KPNA7: variants seen among roughly 807,000 people sequenced by gnomAD.
The protein encoded by KPNA7 is karyopherin subunit alpha 7, also known as importin subunit alpha-8.
In KPNA7, 54 loss-of-function variants were observed where a neutral mutation model predicts 53.7. The ratio of observed to expected loss-of-function variants is 1.01; its 90% confidence interval spans 0.81 to 1.26. The LOEUF is 1.26. Among genes scored for constraint, KPNA7 ranks in the 50% most tolerant of loss-of-function variants. The pLI, the probability that KPNA7 is intolerant of heterozygous loss-of-function variation, is 0.00. For missense variants in KPNA7, 640 were observed against 644.5 expected, an observed-to-expected ratio of 0.99 and a Z score of 0.07; for synonymous variants, 276 against 259.3, an observed-to-expected ratio of 1.06 and a Z score of -0.62.
intron 3 of KPNA7, among the ~76,000 whole-genome samples, chr7:99,201,143 C>T (rs13247877): frequency 0.079 from 12,056 of 152,150 alleles, 515 homozygotes; most frequent in South Asian, 0.15. Flanking sequence ...ATGTCTAGAA[C>T]AGGTCATTCC....
chr7:99,182,844 G>A (rs935299233), intron 8 of KPNA7, among the ~76,000 whole-genome samples: 2 of 152,170 alleles, frequency 1.3e-5, no homozygotes, highest in Admixed American at 6.6e-5. Context: ...AGTGGCCTAT[G>A]TCTGCATTTC....
chr7:99,158,123 G>C, the KPNA7 span, among the ~76,000 whole-genome samples: 1 of 151,018 alleles, frequency 6.6e-6, no homozygotes, highest in Non-Finnish European at 1.5e-5. Flanking sequence ...GGCCTCAAGC[G>C]ATCCTCCCAC....
At position 99,195,329 on chromosome 7, in the gene KPNA7, T is replaced by G; in HGVS notation, c.294A>C (p.Leu98=). The change falls in exon 5 of 11, where the codon CTA becomes CTC. Residue 98 remains leucine, a synonymous_variant. Transcript: ENST00000327442. Reference sequence around the variant, plus strand: ...TCAGAGGGGGGTTCTTTTCCTGGGATAGCATTTTCCTATGCAATGAAAGAG... The same window carrying G: ...TCAGAGGGGGGTTCTTTTCCTGGGAGAGCATTTTCCTATGCAATGAAAGAG... ...FQATQTARKM[L]SQEKNPPLKL... 6.4e-7 allele frequency: 1 copy of G among 1,551,336 alleles called. No individual in the cohort carries two copies. Among genetic ancestry groups the G allele is most frequent in the Middle Eastern group, 1.7e-4 (1 of 5,992 alleles).
chr7:99,200,587 A>G (rs531107785), intron 3 of KPNA7, among the ~76,000 whole-genome samples: 1 of 152,324 alleles, frequency 6.6e-6, no homozygotes, highest in African/African-American at 2.4e-5. Flanking sequence ...GTGGAACTGA[A>G]GACACCCTTC....
At chr7:99,150,918 T>A in the KPNA7 span, among the ~76,000 whole-genome samples, 1 of 152,174 alleles carries the variant, frequency 6.6e-6, no homozygotes, top group African/African-American at 2.4e-5. Flanking sequence ...GAGGCTCTAA[T>A]CTTACTTTGA....
At chr7:99,173,202 T>G (rs984680702), downstream of KPNA7, among the ~76,000 whole-genome samples, 1 of 152,144 alleles carries the variant, frequency 6.6e-6, no homozygotes, top group Admixed American at 6.6e-5. Flanking sequence ...TTTTATTATT[T>G]TTTTTGAGAA....
the KPNA7 span, among the ~76,000 whole-genome samples, chr7:99,163,147 C>G: frequency 6.6e-6 from 1 of 151,496 alleles, no homozygotes. Flanking sequence ...CGTGACTGCA[C>G]TCCAGCCTGG....
intron 3 of KPNA7, among the ~76,000 whole-genome samples, chr7:99,201,470 G>A (rs770765334): frequency 2.0e-5 from 3 of 151,762 alleles, no homozygotes; most frequent in South Asian, 2.1e-4. Flanking sequence ...GAGACCATTC[G>A]GGCTAACATG....
rs140930418 is a variant in KPNA7, at chr7:99,199,832, T to G, written c.201+3274A>C. ...ACAGAATATATTTGCAAGTCATATC[T>G]GCTAAGGTTTAATATCTAGAATATA... On this transcript the variant is annotated intron_variant, in intron 3 of 10. Coordinates refer to ENST00000327442, the MANE Select transcript of KPNA7 (RefSeq NM_001145715.3). 8.5e-4 allele frequency among the ~76,000 whole-genome samples: 129 copies of G among 152,284 alleles called. 2 individuals carry two copies. The highest frequency in any genetic ancestry group is 1.9e-4 in the Non-Finnish European group (13 of 68,030).
chr7:99,146,835 T>A, the KPNA7 span, among the ~76,000 whole-genome samples: 1 of 151,418 alleles, frequency 6.6e-6, no homozygotes, highest in Non-Finnish European at 1.5e-5. Context: ...ACACTTTCAT[T>A]ACCATACGGT....
chr7:99,202,884 T>C (rs1057186666), intron 3 of KPNA7, among the ~76,000 whole-genome samples: 1 of 147,924 alleles, frequency 6.8e-6, no homozygotes, highest in Non-Finnish European at 1.5e-5. Context: ...ATCCTCTCCA[T>C]CCCCCACTAG....
chr7:99,184,077 G>A (rs745325609), intron 8 of KPNA7, among the ~76,000 whole-genome samples: 1 of 148,716 alleles, frequency 6.7e-6, no homozygotes, highest in Non-Finnish European at 1.5e-5. Context: ...TCGAACCCCT[G>A]ATCTCAGGTG....
intron 9 of KPNA7, among the ~76,000 whole-genome samples, chr7:99,179,440 C>A (rs1563066581): frequency 6.6e-6 from 1 of 151,924 alleles, no homozygotes; most frequent in Non-Finnish European, 1.5e-5. Context: ...CCTGTAATCC[C>A]ATCTACTTGG....
intron 8 of KPNA7, among the ~76,000 whole-genome samples, chr7:99,184,552 T>TCA (rs1179632265): frequency 6.6e-6 from 1 of 152,184 alleles, no homozygotes; most frequent in Non-Finnish European, 1.5e-5. Flanking sequence ...GTGTATGATA[T>TCA]CACCATAGCA....
intron 2 of KPNA7, among the ~76,000 whole-genome samples, chr7:99,206,448 T>C (rs538841711): frequency 1.1e-4 from 17 of 152,044 alleles, no homozygotes; most frequent in Admixed American, 1.0e-3. Flanking sequence ...TGAGCCATCA[T>C]GCCCAGCCCA....
rs983905977 is a variant in KPNA7 at position 99,184,723 on chromosome 7, G to C, written c.1134+206C>G. On this transcript the variant is annotated intron_variant, in intron 8 of 10. Transcript: ENST00000327442. ...TGGGGTCACCTTGTCATTGAATAAT[G>C]CTTGTTCCGTCTTCCAAATCTTTAA... 4.6e-5 allele frequency among the ~76,000 whole-genome samples: 7 copies of C among 152,124 alleles called. No homozygotes were observed. The East Asian group carries it at 1.3e-3, about 29-fold the overall frequency.
intron 2 of KPNA7, among the ~76,000 whole-genome samples, chr7:99,204,931 C>G (rs1196873127): frequency 6.6e-6 from 1 of 152,144 alleles, no homozygotes; most frequent in African/African-American, 2.4e-5. Flanking sequence ...ATTTGGGAAT[C>G]ATTGAGCCCA....
At chr7:99,194,329 AAGG>A (rs1790113263) in intron 5 of KPNA7, among the ~76,000 whole-genome samples, 1 of 152,168 alleles carries the variant, frequency 6.6e-6, no homozygotes. Context: ...AGCCCAAACC[AAGG>A]AGTTTTTTTT....
At chr7:99,187,508 C>T (rs1237684073) in intron 7 of KPNA7, among the ~76,000 whole-genome samples, 3 of 151,358 alleles carry the variant, frequency 2.0e-5, no homozygotes, top group Non-Finnish European at 2.9e-5. Flanking sequence ...CCCAACTCTG[C>T]CTCCCCAGTA....
Sources: gnomAD v4.1 joint callset for allele counts (sites outside exome capture counted in the v4.1 genomes callset) on GRCh38, gnomAD v4.1.1 for gene constraint, MANE v1.5 for transcripts, NCBI Gene and HGNC (gene_info 2026-07-23, HGNC 2026-07-21) for gene names.